ARAP2: variants seen among roughly 807,000 people sequenced by gnomAD.
ARAP2 encodes the protein ArfGAP with RhoGAP domain, ankyrin repeat and PH domain 2.
ARAP2 carries 148 observed loss-of-function variants against 194.5 expected under a neutral mutation model. That is an observed-to-expected ratio of 0.76 (90% CI 0.67 to 0.87). The LOEUF (loss-of-function observed/expected upper bound fraction) is 0.87, where lower values mean the gene tolerates loss of function less well. Among genes scored for constraint, ARAP2 ranks in the 40% least tolerant of loss-of-function variants. The probability of loss-of-function intolerance (pLI) is 0.00; values close to 1 mark genes in which losing one functional copy is unlikely to be tolerated. For missense variants in ARAP2, 2,128 were observed against 1,989.7 expected (o/e 1.07, Z -1.32); for synonymous variants, 695 against 683.5 (o/e 1.02, Z -0.26).
rs936839153 is a variant in ARAP2 at position 36,066,807 on chromosome 4, A to G, written c.*1100T>C. ...CCTTTACTTAAAAAAAGAAAAAAAA[A>G]CCTAGATTAAATGTGACCAGGTAGC... On this transcript the variant is annotated 3_prime_UTR_variant, in exon 33 of 33. Coordinates refer to ENST00000303965, the MANE Select transcript of ARAP2 (RefSeq NM_015230.4). The G allele has an allele frequency of 6.6e-6, 1 of 152,048 alleles. No homozygotes were observed. Among genetic ancestry groups the G allele is most frequent in the Non-Finnish European group, 1.5e-5 (1 of 68,012 alleles). The allele number at this position is 152,048 out of a possible 1,614,324, so 9.4% of individuals were successfully genotyped here.
At chr4:36,185,701 C>T (rs998877608) in intron 8 of ARAP2, among the ~76,000 whole-genome samples, 3 of 151,808 alleles carry the variant, frequency 2.0e-5, no homozygotes, top group African/African-American at 4.8e-5. Context: ...AATGGATGGG[C>T]GCAGTGGCTC....
At chr4:36,036,431 ATGT>A (rs140299300) in intron 5 of ARAP2, among the ~76,000 whole-genome samples, 3,509 of 152,050 alleles carry the variant, frequency 0.023, 158 homozygotes, top group African/African-American at 0.08. Flanking sequence ...TGTTGTTTTG[ATGT>A]TGTTGTGGTA....
At chr4:36,021,851 C>G (rs753647673) in intron 5 of ARAP2, among the ~76,000 whole-genome samples, 1 of 152,136 alleles carries the variant, frequency 6.6e-6, no homozygotes, top group Non-Finnish European at 1.5e-5. Flanking sequence ...AATGATACAT[C>G]ATCTAATGAT....
At chr4:36,231,823 C>G (rs565323095) in intron 1 of ARAP2, among the ~76,000 whole-genome samples, 10 of 152,280 alleles carry the variant, frequency 6.6e-5, no homozygotes, top group African/African-American at 2.2e-4. Flanking sequence ...ACCGATTTTA[C>G]TCCTTGCTAC....
intron 7 of ARAP2, among the ~76,000 whole-genome samples, chr4:36,188,713 T>A (rs1012896527): frequency 1.1e-4 from 16 of 152,178 alleles, no homozygotes; most frequent in Non-Finnish European, 2.2e-4. Flanking sequence ...CACAGCGTTA[T>A]CCTTGGAACC....
At chr4:36,026,789 A>C (rs1358037745) in intron 5 of ARAP2, among the ~76,000 whole-genome samples, 1 of 152,232 alleles carries the variant, frequency 6.6e-6, no homozygotes, top group Non-Finnish European at 1.5e-5. Flanking sequence ...TGCTGTGGCC[A>C]GAAGGCACTT....
In ARAP2 at chr4:36,107,675, T is replaced by C. The variant is rs780962947; in HGVS notation, c.4175A>G (p.Lys1392Arg). Residue 1392 changes from lysine to arginine, a missense_variant, in exon 27 of 33, where the codon AAG becomes AGG. Transcript: ENST00000303965. ...AAGCACCTGCTCCAGTACATTTTCC[T>C]TGTAGTGAAGAGGACGCTCTGTAAA... ...NEELERPLHY[K>R]ENVLEQVLRW... 1.7e-5 allele frequency: 27 copies of C among 1,608,932 alleles called. No homozygotes were observed. The Admixed American group carries it at 2.4e-4, about 14-fold the overall frequency.
intron 19 of ARAP2, among the ~76,000 whole-genome samples, chr4:36,136,101 T>C (rs1578022081): frequency 1.3e-5 from 2 of 151,918 alleles, no homozygotes; most frequent in East Asian, 3.9e-4. Context: ...TTAATAGCAT[T>C]GGTGCACTAA....
intron 10 of ARAP2, among the ~76,000 whole-genome samples, chr4:36,165,351 A>G (rs1224719276): frequency 6.6e-6 from 1 of 152,158 alleles, no homozygotes; most frequent in Admixed American, 6.5e-5. Context: ...TAACATACAC[A>G]TTTTCTAAAC....
intron 4 of ARAP2, among the ~76,000 whole-genome samples, chr4:36,212,845 A>C (rs1413045077): frequency 1.3e-5 from 2 of 152,060 alleles, no homozygotes; most frequent in Admixed American, 6.5e-5. Flanking sequence ...CAAGTAATAG[A>C]AAAGAATGAG....
Position 36,229,255 on chromosome 4 carries a change from C to G in ARAP2, c.232G>C (p.Ala78Pro). ...LSKMQDIPIYANVHKTKKNDD... is the reference protein window; with the variant it reads ...LSKMQDIPIYPNVHKTKKNDD... ...TTCTTCTTAGTTTTATGAACATTTGCATATATTGGAATATCTTGCATTTTT... is the reference window on the plus strand; with the variant it reads ...TTCTTCTTAGTTTTATGAACATTTGGATATATTGGAATATCTTGCATTTTT... The change falls in exon 2 of 33, where the codon GCA becomes CCA. Residue 78 changes from alanine (A) to proline (P), a missense_variant. Transcript: ENST00000303965. The G allele has an allele frequency of 6.2e-7, 1 of 1,613,988 alleles. No homozygotes were observed. The highest frequency in any genetic ancestry group is 8.5e-7 in the Non-Finnish European group (1 of 1,179,934).
At chr4:36,119,518 G>GT (rs60869581) in intron 24 of ARAP2, 132 bp downstream of exon 24, 152,477 of 482,058 alleles carry the variant, frequency 0.32, 17,253 homozygotes, top group East Asian at 0.43. Context: ...CAACCAATTA[G>GT]TTTTTTTTTT....
chr4:36,177,806 A>G lies in ARAP2; in HGVS notation c.1857+21T>C, dbSNP rs371570258. On this transcript the variant is annotated intron_variant, in intron 9 of 32. Transcript: ENST00000303965. ...CTATAATAAAATAGCAGCAATTTGC[A>G]ATGACTATAACAGAGCTCACCTGTT... 59 of 1,531,420 alleles carry G rather than the reference A, an allele frequency of 3.9e-5. No homozygotes were observed. In the African/African-American group the frequency reaches 8.1e-4, roughly 21 times the overall value. The allele number at this position is 1,531,420 out of a possible 1,614,324, so 94.9% of individuals were successfully genotyped here.
chr4:36,040,068 T>C (rs192519735), intron 5 of ARAP2, among the ~76,000 whole-genome samples: 2 of 152,358 alleles, frequency 1.3e-5, no homozygotes, highest in Admixed American at 1.3e-4. Flanking sequence ...TGGACATGTG[T>C]ACTCTATGAT....
chr4:36,227,895 A>G (rs1750669636), intron 2 of ARAP2, among the ~76,000 whole-genome samples: 1 of 152,026 alleles, frequency 6.6e-6, no homozygotes, highest in African/African-American at 2.4e-5. Context: ...CTCCTCCCAA[A>G]CTGTTTAGGT....
intron 19 of ARAP2, among the ~76,000 whole-genome samples, chr4:36,136,921 C>T (rs115794130): frequency 0.025 from 779 of 31,486 alleles, 10 homozygotes; most frequent in African/African-American, 0.086. Context: ...CACACACATA[C>T]ACGCGCGCGC....
chr4:36,091,521 T>C (rs1406133133), intron 28 of ARAP2, among the ~76,000 whole-genome samples: 2 of 152,206 alleles, frequency 1.3e-5, no homozygotes, highest in African/African-American at 4.8e-5. Flanking sequence ...GGTCATTTTA[T>C]TGCACCTTTT....
exon 3 of ARAP2, chr4:36,052,030 G>A (rs529719276): frequency 1.8e-4 from 27 of 152,260 alleles, no homozygotes; most frequent in South Asian, 1.5e-3. Context: ...CTGCTCTAGC[G>A]CTTGCTGTTA....
At chr4:36,034,837 T>C (rs1309084826) in intron 5 of ARAP2, among the ~76,000 whole-genome samples, 4 of 152,166 alleles carry the variant, frequency 2.6e-5, no homozygotes, top group African/African-American at 9.7e-5. Context: ...TCTGCACCTA[T>C]TGGGATAAGC....
Sources: gnomAD v4.1 joint callset for allele counts (sites outside exome capture counted in the v4.1 genomes callset) on GRCh38, gnomAD v4.1.1 for gene constraint, MANE v1.5 for transcripts, NCBI Gene and HGNC (gene_info 2026-07-23, HGNC 2026-07-21) for gene names.